The following DOP1B variants were observed in gnomAD, a reference collection of about 807,000 sequenced individuals.
DOP1B encodes DOP1 leucine zipper like protein B, also known as protein DOP1B.
DOP1B carries 174 observed loss-of-function variants against 233.5 expected under a neutral mutation model. That is an observed-to-expected ratio of 0.75 (90% CI 0.66 to 0.85). DOP1B has a LOEUF of 0.85. Among genes scored for constraint, DOP1B ranks in the 40% least tolerant of loss-of-function variants. The pLI, the probability that DOP1B is intolerant of heterozygous loss-of-function variation, is 0.00. For missense variants in DOP1B, 2,652 were observed against 2,846.6 expected (o/e 0.93, Z 1.56); for synonymous variants, 1,190 against 1,185.6 (o/e 1.00, Z -0.08).
Position 36,231,010 on chromosome 21 carries a change from C to T in DOP1B, c.2226C>T (p.Ser742=), listed in dbSNP as rs2066758476. The T allele has an allele frequency of 6.2e-7, 1 of 1,614,122 alleles. No individual in the cohort carries two copies. Among genetic ancestry groups the T allele is most frequent in the South Asian group, 1.1e-5 (1 of 91,082 alleles). The change falls in exon 14 of 37, where the codon TCC becomes TCT. Residue 742 remains serine, a synonymous_variant. Coordinates refer to ENST00000691173, the MANE Select transcript of DOP1B (RefSeq NM_001320714.2). ...AGGTGGTCATTGACCTGGGGGGTTC[C>T]AGGGAGGAACGCAGGGAGGCCTTTG... ...VEKVVIDLGG[S]REERREAFAA... is the part of the protein sequence containing the mutation.
At chr21:36,198,542 G>A (rs528142466) in intron 2 of DOP1B, among the ~76,000 whole-genome samples, 12 of 152,198 alleles carry the variant, frequency 7.9e-5, no homozygotes, top group Non-Finnish European at 1.3e-4. Context: ...TCACACTCTC[G>A]ACCTTGCTTC....
rs200893501 is a variant in DOP1B, at chr21:36,175,792, C to CA, written c.138+10929dup. 1.4e-3 allele frequency: 207 copies of CA among 144,946 alleles called. 1 individual carries two copies. The highest frequency in any genetic ancestry group is 0.012 in the South Asian group (58 of 4,674). 9.0% of individuals were successfully genotyped at this position (144,946 alleles called of 1,614,324 possible). A position where few individuals can be genotyped will look rare whatever the true frequency, so the allele number is the denominator to read the frequency against. Reference sequence around the variant, plus strand: ...TGGGCAACAGAGTGAGACTCTGTCTCAAAAAAAAGAAAGAAAAGAAAAAGA... The same window carrying CA: ...TGGGCAACAGAGTGAGACTCTGTCTCAAAAAAAAAGAAAGAAAAGAAAAAGA... On this transcript the variant is annotated intron_variant, in intron 2 of 36. Transcript: ENST00000691173.
Position 36,230,683 on chromosome 21 carries a change from A to G in DOP1B, c.1899A>G (p.Leu633=), listed in dbSNP as rs141059509. 6.3e-5 allele frequency: 102 copies of G among 1,614,194 alleles called. No homozygotes were observed. The Middle Eastern group carries it at 6.6e-4, about 10-fold the overall frequency. Residue 633 remains leucine, a synonymous_variant, in exon 14 of 37, where the codon CTA becomes CTG. Coordinates refer to ENST00000691173, the MANE Select transcript of DOP1B (RefSeq NM_001320714.2). ...GGACGTTTCTTTGCATCCAAGAGCT[A>G]ATCGCCAACTTTGCCAGCAAGAACA... is the stretch of plus-strand genomic sequence containing the variant. ...MQRTFLCIQE[L]IANFASKNIF... is the part of the protein sequence containing the mutation.
At position 36,230,909 on chromosome 21, in the gene DOP1B, A is replaced by G; in HGVS notation, c.2125A>G (p.Thr709Ala). Residue 709 changes from threonine to alanine, a missense_variant, in exon 14 of 37, where the codon ACA becomes GCA. Thr to Ala is a moderately conservative substitution (Grantham distance 58, BLOSUM62 0). Coordinates refer to ENST00000691173, the MANE Select transcript of DOP1B (RefSeq NM_001320714.2). Reference sequence around the variant, plus strand: ...CACAGCACGAGGGTCTCCATTCAAGACAAAAAGTTCAGAGTCACCATCGTC... The same window carrying G: ...CACAGCACGAGGGTCTCCATTCAAGGCAAAAAGTTCAGAGTCACCATCGTC... ...LFTARGSPFKTKSSESPSSSP... is the reference protein window; with the variant it reads ...LFTARGSPFKAKSSESPSSSP... 6.2e-7 allele frequency: 1 copy of G among 1,614,194 alleles called. No individual in the cohort carries two copies. The highest frequency in any genetic ancestry group is 8.5e-7 in the Non-Finnish European group (1 of 1,180,032).
rs560576950 is a variant in DOP1B, at chr21:36,208,605, C to T, written c.492-110C>T. The T allele has an allele frequency of 1.5e-4, 177 of 1,217,420 alleles. 1 individual carries two copies. The African/African-American group carries it at 1.9e-3, about 13-fold the overall frequency. The allele number at this position is 1,217,420 out of a possible 1,614,324, so 75.4% of individuals were successfully genotyped here. On this transcript the variant is annotated intron_variant, in intron 4 of 36. Coordinates refer to ENST00000691173, the MANE Select transcript of DOP1B (RefSeq NM_001320714.2). ...CGGCGATGAGGAAGGTGGGGCTTCC[C>T]CAGCCAGGCGAATCCGCTGTGGTTC...
chr21:36,231,647 T>G (rs2123550469), intron 14 of DOP1B, among the ~76,000 whole-genome samples: 1 of 152,018 alleles, frequency 6.6e-6, no homozygotes, highest in East Asian at 1.9e-4. Context: ...ATGATGCCTG[T>G]TGATAAAGTT....
Position 36,227,404 on chromosome 21 carries a change from G to A in DOP1B, c.1474-282G>A, listed in dbSNP as rs551953108. Among the ~76,000 whole-genome samples the A allele has an allele frequency of 4.2e-4, 64 of 151,226 alleles. No homozygotes were observed. The East Asian group carries it at 4.5e-3, about 11-fold the overall frequency. On this transcript the variant is annotated intron_variant, in intron 12 of 36. Transcript: ENST00000691173. ...CTACTAAACATACAAAAAATTAGCCGGGCGTGGTGGTGGGCACCTGTAGTC... is the reference window on the plus strand; with the variant it reads ...CTACTAAACATACAAAAAATTAGCCAGGCGTGGTGGTGGGCACCTGTAGTC...
In DOP1B at chr21:36,288,752, T is replaced by TC; in HGVS notation, c.6298-3dup. 6.2e-7 allele frequency: 1 copy of TC among 1,609,392 alleles called. No individual in the cohort carries two copies. On this transcript the variant is annotated splice_polypyrimidine_tract_variant and splice_region_variant and intron_variant, in intron 33 of 36. Coordinates refer to ENST00000691173, the MANE Select transcript of DOP1B (RefSeq NM_001320714.2). ...ATAGTAACTTGAATGCATTTTTTTT[T>TC]CAGATTCAGACATTCACACAGCTTG...
chr21:36,170,005 T>A (rs2065957604), intron 2 of DOP1B: 1 of 750,292 alleles, frequency 1.3e-6, no homozygotes, highest in African/African-American at 1.7e-5. Context: ...CCTGTCGACT[T>A]CCCGTGTGAT....
intron 1 of DOP1B, among the ~76,000 whole-genome samples, chr21:36,161,881 G>A (rs551244997): frequency 1.3e-5 from 2 of 152,156 alleles, no homozygotes; most frequent in Non-Finnish European, 2.9e-5. Context: ...TGTGTCTGGC[G>A]TCTTCCACTA....
intron 5 of DOP1B, among the ~76,000 whole-genome samples, chr21:36,210,726 C>T (rs6517339): frequency 0.14 from 21,442 of 152,110 alleles, 1,776 homozygotes; most frequent in South Asian, 0.21. Flanking sequence ...ACACGAGAAT[C>T]GCTTGAACGC....
intron 2 of DOP1B, among the ~76,000 whole-genome samples, chr21:36,194,485 CTCTTTTTTT>C (rs983545005): frequency 8.0e-6 from 1 of 124,564 alleles, no homozygotes; most frequent in Non-Finnish European, 1.7e-5. Flanking sequence ...CTCTCTCTCT[CTCTTTTTTT>C]TTTTTTTTTT....
chr21:36,217,152 G>A (rs763399676), intron 9 of DOP1B, among the ~76,000 whole-genome samples: 3 of 151,774 alleles, frequency 2.0e-5, no homozygotes, highest in African/African-American at 7.3e-5. Flanking sequence ...GAGGCCCTTC[G>A]CTTATCCATT....
chr21:36,230,882 T>G lies in DOP1B; in HGVS notation c.2098T>G (p.Phe700Val), dbSNP rs1374840736. 1 of 1,614,034 alleles carries G rather than the reference T, an allele frequency of 6.2e-7. No individual in the cohort carries two copies. Among genetic ancestry groups the G allele is most frequent in the South Asian group, 1.1e-5 (1 of 91,078 alleles). The change falls in exon 14 of 37, where the codon TTC becomes GTC. Residue 700 changes from phenylalanine to valine, a missense_variant. Transcript: ENST00000691173. ...PQFKQMLSDL[F>V]TARGSPFKTK... ...GTTCAAGCAGATGCTGTCAGACTTG[T>G]TCACAGCACGAGGGTCTCCATTCAA...
At chr21:36,272,392 G>A (rs2067298518) in intron 27 of DOP1B, among the ~76,000 whole-genome samples, 1 of 152,158 alleles carries the variant, frequency 6.6e-6, no homozygotes, top group Non-Finnish European at 1.5e-5. Flanking sequence ...GCTCAGGCCT[G>A]TAATCCCAGG....
intron 26 of DOP1B, among the ~76,000 whole-genome samples, chr21:36,268,810 C>T (rs533599346): frequency 1.3e-5 from 2 of 152,304 alleles, no homozygotes; most frequent in East Asian, 3.9e-4. Context: ...GCTGGGATTA[C>T]AGGCGTGCAC....
intron 32 of DOP1B, among the ~76,000 whole-genome samples, chr21:36,284,732 A>C (rs2067463475): frequency 6.6e-6 from 1 of 152,034 alleles, no homozygotes; most frequent in African/African-American, 2.4e-5. Context: ...GGTAGAGTTT[A>C]AACACCCAGC....
intron 23 of DOP1B, among the ~76,000 whole-genome samples, chr21:36,259,520 G>A (rs999205176): frequency 6.6e-6 from 1 of 152,106 alleles, no homozygotes; most frequent in Non-Finnish European, 1.5e-5. Context: ...TGATCCACCC[G>A]CCTTGGCTTC....
chr21:36,206,529 C>CAA (rs71232580), intron 4 of DOP1B, among the ~76,000 whole-genome samples: 11,037 of 127,094 alleles, frequency 0.087, 527 homozygotes, highest in African/African-American at 0.14. Flanking sequence ...CACCCTGCCT[C>CAA]AAAAAAAAAA....
Sources: gnomAD v4.1 joint callset for allele counts (sites outside exome capture counted in the v4.1 genomes callset) on GRCh38, gnomAD v4.1.1 for gene constraint, MANE v1.5 for transcripts, NCBI Gene and HGNC (gene_info 2026-07-23, HGNC 2026-07-21) for gene names.